TMEM232: variants seen among roughly 807,000 people sequenced by gnomAD.
TMEM232 encodes the protein transmembrane protein 232.
TMEM232 carries 80 observed loss-of-function variants against 78.8 expected under a neutral mutation model. The observed-to-expected ratio is 1.01, with a 90% CI of 0.85 to 1.22. The LOEUF is 1.22. Ranked by LOEUF, TMEM232 falls within the 50% of genes most tolerant of loss-of-function variation. TMEM232 has a pLI of 0.00. For missense variants in TMEM232, 881 were observed against 742.2 expected (o/e 1.19, Z -2.17); for synonymous variants, 297 against 254.3 (o/e 1.17, Z -1.60).
At chr5:110,690,909 G>A (rs996158180) in intron 1 of TMEM232, among the ~76,000 whole-genome samples, 4 of 152,028 alleles carry the variant, frequency 2.6e-5, no homozygotes, top group African/African-American at 9.7e-5. Flanking sequence ...TCACTCATAA[G>A]TGGGAGTTGA....
intron 3 of TMEM232, among the ~76,000 whole-genome samples, chr5:110,394,462 T>C (rs1473537932): frequency 6.6e-6 from 1 of 152,238 alleles, no homozygotes; most frequent in Non-Finnish European, 1.5e-5. Context: ...CCTTTGGTTA[T>C]ATACCTACCA....
At chr5:110,491,002 T>A (rs1191735732) in intron 12 of TMEM232, among the ~76,000 whole-genome samples, 2 of 152,032 alleles carry the variant, frequency 1.3e-5, no homozygotes, top group Non-Finnish European at 2.9e-5. Context: ...ACTAAAAACT[T>A]TTGTACTTAA....
At chr5:110,403,733 C>T (rs970526537) in intron 2 of TMEM232, among the ~76,000 whole-genome samples, 2 of 151,846 alleles carry the variant, frequency 1.3e-5, no homozygotes, top group African/African-American at 4.8e-5. Context: ...CATCCAAAAA[C>T]CTTTGAAAAT....
intron 10 of TMEM232, among the ~76,000 whole-genome samples, chr5:110,581,108 A>G (rs994496370): frequency 2.0e-5 from 3 of 151,922 alleles, no homozygotes; most frequent in Admixed American, 6.6e-5. Context: ...TACAGAGTCA[A>G]CACAATTCTT....
intron 12 of TMEM232, among the ~76,000 whole-genome samples, chr5:110,455,172 G>GA (rs962942051): frequency 6.6e-6 from 1 of 151,672 alleles, no homozygotes; most frequent in Non-Finnish European, 1.5e-5. Flanking sequence ...ATCCTTCCAA[G>GA]AAAAAAAATG....
intron 12 of TMEM232, among the ~76,000 whole-genome samples, chr5:110,491,080 T>C (rs948095969): frequency 2.6e-5 from 4 of 152,092 alleles, no homozygotes; most frequent in South Asian, 2.1e-4. Context: ...ATATATCTGA[T>C]AGGGGACTTG....
At chr5:110,444,958 A>G (rs950695200) in intron 12 of TMEM232, among the ~76,000 whole-genome samples, 1 of 151,594 alleles carries the variant, frequency 6.6e-6, no homozygotes, top group African/African-American at 2.4e-5. Context: ...CTTCAATTTT[A>G]TCTTCTAAAC....
chr5:110,529,076 G>A (rs975737672), intron 11 of TMEM232, among the ~76,000 whole-genome samples: 48 of 152,226 alleles, frequency 3.2e-4, no homozygotes, highest in African/African-American at 1.1e-3. Context: ...TGAAAATTTA[G>A]TTAGGTAATT....
At chr5:110,693,562 A>G (rs1312770590) in intron 1 of TMEM232, among the ~76,000 whole-genome samples, 2 of 152,178 alleles carry the variant, frequency 1.3e-5, no homozygotes, top group Admixed American at 1.3e-4. Context: ...CTGAAAAACG[A>G]TTAGATGAAT....
intron 1 of TMEM232, among the ~76,000 whole-genome samples, chr5:110,700,988 C>T (rs906561650): frequency 6.6e-6 from 1 of 151,804 alleles, no homozygotes; most frequent in Non-Finnish European, 1.5e-5. Context: ...AAACTTTTGC[C>T]TTTACAATTA....
intron 12 of TMEM232, among the ~76,000 whole-genome samples, chr5:110,444,482 TG>T (rs1314411491): frequency 6.6e-6 from 1 of 152,184 alleles, no homozygotes; most frequent in African/African-American, 2.4e-5. Context: ...CTGTCTCTCC[TG>T]CCTTCTTTAA....
chr5:110,497,539 G>T (rs1465895027), intron 12 of TMEM232, among the ~76,000 whole-genome samples: 1 of 152,068 alleles, frequency 6.6e-6, no homozygotes, highest in African/African-American at 2.4e-5. Context: ...TGACCTGAAG[G>T]ATATTTTAAT....
At chr5:110,669,047 C>A (rs974435569) in intron 1 of TMEM232, among the ~76,000 whole-genome samples, 2 of 151,920 alleles carry the variant, frequency 1.3e-5, no homozygotes, top group Non-Finnish European at 2.9e-5. Flanking sequence ...CAATTGAAAC[C>A]CTAACATCAC....
At chr5:110,702,570 CA>C (rs1025411133) in intron 1 of TMEM232, among the ~76,000 whole-genome samples, 12 of 152,076 alleles carry the variant, frequency 7.9e-5, no homozygotes, top group African/African-American at 2.7e-4. Context: ...TAATACTCTT[CA>C]TTGCCTCTGT....
chr5:110,524,648 TGTCCATTAG>T (rs1409990106), intron 12 of TMEM232, among the ~76,000 whole-genome samples: 2 of 152,188 alleles, frequency 1.3e-5, no homozygotes, highest in South Asian at 2.1e-4. Context: ...ATATCCTTTA[TGTCCATTAG>T]GTCCATTTGG....
At chr5:110,523,832 G>A (rs2149509330) in intron 12 of TMEM232, among the ~76,000 whole-genome samples, 1 of 151,792 alleles carries the variant, frequency 6.6e-6, no homozygotes, top group South Asian at 2.1e-4. Flanking sequence ...GTAGTGTCAT[G>A]CACCTGTGGT....
At chr5:110,661,609 G>A (rs1247403580) in intron 2 of TMEM232, among the ~76,000 whole-genome samples, 2 of 152,120 alleles carry the variant, frequency 1.3e-5, no homozygotes, top group Non-Finnish European at 2.9e-5. Flanking sequence ...ACTCCACCAT[G>A]CCTAGCCCAG....
chr5:110,495,353 T>C (rs1396883887), intron 12 of TMEM232, among the ~76,000 whole-genome samples: 1 of 151,916 alleles, frequency 6.6e-6, no homozygotes, highest in East Asian at 1.9e-4. Context: ...TCTGATTTAA[T>C]TGGACTGGGG....
intron 11 of TMEM232, among the ~76,000 whole-genome samples, chr5:110,543,896 T>G (rs1239259073): frequency 1.3e-5 from 2 of 152,276 alleles, no homozygotes; most frequent in Admixed American, 1.3e-4. Context: ...TTCCTTCTTC[T>G]CTTAAAGCCA....
Sources: gnomAD v4.1 joint callset for allele counts (sites outside exome capture counted in the v4.1 genomes callset) on GRCh38, gnomAD v4.1.1 for gene constraint, MANE v1.5 for transcripts, NCBI Gene and HGNC (gene_info 2026-07-23, HGNC 2026-07-21) for gene names.